IQGAP2: variants seen among roughly 807,000 people sequenced by gnomAD.
IQGAP2 encodes the protein ras GTPase-activating-like protein IQGAP2.
Under a neutral mutation model 201.3 loss-of-function variants are expected in IQGAP2, and 173 were observed. That is an observed-to-expected ratio of 0.86 (90% CI 0.76 to 0.98). The LOEUF (loss-of-function observed/expected upper bound fraction) is 0.98, where lower values mean the gene tolerates loss of function less well. Among genes scored for constraint, IQGAP2 ranks in the 50% least tolerant of loss-of-function variants. The probability of loss-of-function intolerance (pLI) is 0.00; values close to 1 mark genes in which losing one functional copy is unlikely to be tolerated. For synonymous variants in IQGAP2, 675 were observed against 673.9 expected, an observed-to-expected ratio of 1.00 and a Z score of -0.03; for missense variants, 1,687 against 1,864.8, an observed-to-expected ratio of 0.90 and a Z score of 1.76.
At chr5:76,668,045 A>G (rs534200458) in intron 22 of IQGAP2, among the ~76,000 whole-genome samples, 85 of 151,750 alleles carry the variant, frequency 5.6e-4, no homozygotes, top group Non-Finnish European at 1.0e-3. Flanking sequence ...ACACCCGGCT[A>G]ATTTATTTTT....
At chr5:76,476,653 G>C (rs899791640) in intron 2 of IQGAP2, among the ~76,000 whole-genome samples, 1 of 152,108 alleles carries the variant, frequency 6.6e-6, no homozygotes, top group African/African-American at 2.4e-5. Context: ...TGAGTTCTGG[G>C]GGGGTCAGGA....
intron 2 of IQGAP2, among the ~76,000 whole-genome samples, chr5:76,508,752 A>T (rs1757766551): frequency 6.6e-6 from 1 of 151,976 alleles, no homozygotes; most frequent in Non-Finnish European, 1.5e-5. Flanking sequence ...ATAGGAAAAA[A>T]TACGAAATGG....
At chr5:76,505,969 TCAA>T (rs1757588358) in intron 2 of IQGAP2, among the ~76,000 whole-genome samples, 1 of 152,160 alleles carries the variant, frequency 6.6e-6, no homozygotes, top group Non-Finnish European at 1.5e-5. Context: ...TGATTTAAGT[TCAA>T]CATTAATTAG....
chr5:76,571,752 G>T (rs1338407075), intron 4 of IQGAP2, among the ~76,000 whole-genome samples: 2 of 152,192 alleles, frequency 1.3e-5, no homozygotes, highest in Non-Finnish European at 2.9e-5. Context: ...TGTAAAAATA[G>T]TACTTCTATG....
At chr5:76,594,263 A>G (rs1434989265) in intron 9 of IQGAP2, among the ~76,000 whole-genome samples, 2 of 152,252 alleles carry the variant, frequency 1.3e-5, no homozygotes, top group Non-Finnish European at 2.9e-5. Flanking sequence ...TCTGAGGTCC[A>G]TAAGCCTAGA....
At chr5:76,427,835 G>T (rs1015600344) in intron 1 of IQGAP2, among the ~76,000 whole-genome samples, 1 of 152,192 alleles carries the variant, frequency 6.6e-6, no homozygotes, top group African/African-American at 2.4e-5. Flanking sequence ...ATGATGAAAG[G>T]CTCTGAGCGG....
chr5:76,489,056 C>T (rs1369825590), intron 2 of IQGAP2, among the ~76,000 whole-genome samples: 1 of 152,228 alleles, frequency 6.6e-6, no homozygotes, highest in Admixed American at 6.5e-5. Flanking sequence ...CTCCCAGCTC[C>T]TTGTTCTTCC....
chr5:76,700,754 G>A (rs1223089687), intron 33 of IQGAP2, among the ~76,000 whole-genome samples: 1 of 152,156 alleles, frequency 6.6e-6, no homozygotes, highest in Non-Finnish European at 1.5e-5. Context: ...TCATGTTATT[G>A]CACCAAAGCT....
chr5:76,661,879 A>T (rs1215670339), intron 21 of IQGAP2, among the ~76,000 whole-genome samples: 1 of 152,220 alleles, frequency 6.6e-6, no homozygotes, highest in Non-Finnish European at 1.5e-5. Flanking sequence ...TACTACCTGC[A>T]TGCAGATATC....
intron 2 of IQGAP2, among the ~76,000 whole-genome samples, chr5:76,562,088 C>T (rs1744414248): frequency 6.6e-6 from 1 of 152,178 alleles, no homozygotes; most frequent in East Asian, 1.9e-4. Flanking sequence ...TCCACCTATA[C>T]AAAATGGTTT....
intron 2 of IQGAP2, among the ~76,000 whole-genome samples, chr5:76,543,484 C>G (rs1742909651): frequency 1.3e-5 from 2 of 152,186 alleles, no homozygotes; most frequent in South Asian, 4.1e-4. Context: ...TCACGGCCCT[C>G]CAGCATGTTT....
At chr5:76,579,804 T>C (rs17748322) in intron 5 of IQGAP2, among the ~76,000 whole-genome samples, 32,780 of 152,026 alleles carry the variant, frequency 0.22, 4,052 homozygotes, top group East Asian at 0.47. Flanking sequence ...ACTTAGTTAG[T>C]GGATGTGACC....
At chr5:76,428,133 T>C (rs1052842202) in intron 1 of IQGAP2, among the ~76,000 whole-genome samples, 7 of 152,162 alleles carry the variant, frequency 4.6e-5, no homozygotes, top group African/African-American at 1.4e-4. Flanking sequence ...TGGGTGTGGT[T>C]TGAGCAGAGA....
Position 76,652,440 on chromosome 5 carries a change from C to G in IQGAP2, c.2095-310C>G, listed in dbSNP as rs375151788. Among the ~76,000 whole-genome samples, 760 of 110,802 alleles carry G rather than the reference C, an allele frequency of 6.9e-3. 6 individuals are homozygous for G. The highest frequency in any genetic ancestry group is 0.022 in the African/African-American group (713 of 32,094). The allele number at this position is 110,802 out of a possible 152,430, so 72.7% of individuals were successfully genotyped here. On this transcript the variant is annotated intron_variant, in intron 17 of 35. Transcript: ENST00000274364. ...ACTGTTTATGGGTTTTGGAGAAATTCCATTTTACTCCTTTTTGCCACCCAG... is the reference window on the plus strand; with the variant it reads ...ACTGTTTATGGGTTTTGGAGAAATTGCATTTTACTCCTTTTTGCCACCCAG...
chr5:76,430,614 T>C (rs1298223032), intron 1 of IQGAP2, among the ~76,000 whole-genome samples: 3 of 152,204 alleles, frequency 2.0e-5, no homozygotes, highest in African/African-American at 7.2e-5. Context: ...TAGAAGCTAT[T>C]GCACGTCTCC....
chr5:76,634,157 C>T (rs151019484), intron 15 of IQGAP2, among the ~76,000 whole-genome samples: 1 of 152,108 alleles, frequency 6.6e-6, no homozygotes, highest in Admixed American at 6.6e-5. Context: ...TGAAATCCAG[C>T]CACACATTAA....
intron 1 of IQGAP2, among the ~76,000 whole-genome samples, chr5:76,405,486 CTA>C (rs1453002198): frequency 2.6e-5 from 4 of 152,166 alleles, no homozygotes; most frequent in South Asian, 4.1e-4. Flanking sequence ...AAATATTTGC[CTA>C]TGTTTCCAGA....
chr5:76,506,896 T>C (rs1757632498), intron 2 of IQGAP2, among the ~76,000 whole-genome samples: 1 of 152,224 alleles, frequency 6.6e-6, no homozygotes. Flanking sequence ...AGATATTTCA[T>C]GTTCACAGAT....
rs768705898 is a variant in IQGAP2 at position 76,617,736 on chromosome 5, T to C, written c.1521+6553T>C. ...GTTGTTGTAGTAGTAGTTAGCATGG[T>C]GAATAATAAGAATAATATTGCTTGG... is the stretch of plus-strand genomic sequence containing the variant. On this transcript the variant is annotated intron_variant, in intron 13 of 35. Transcript: ENST00000274364. 9 of 1,613,942 alleles carry C rather than the reference T, an allele frequency of 5.6e-6. No individual in the cohort carries two copies. Among genetic ancestry groups the C allele is most frequent in the Admixed American group, 1.7e-5 (1 of 60,012 alleles).
Sources: allele counts gnomAD v4.1 joint callset (sites outside exome capture counted in the v4.1 genomes callset), GRCh38; gene constraint gnomAD v4.1.1; transcripts MANE v1.5; gene names NCBI Gene and HGNC (gene_info 2026-07-23, HGNC 2026-07-21).